Variants in FNBP4 observed in about 807,000 individuals in gnomAD.
FNBP4 encodes the protein formin binding protein 4, also known as formin-binding protein 4.
Under a neutral mutation model 119.3 loss-of-function variants are expected in FNBP4, and 34 were observed. The observed-to-expected ratio is 0.28, with a 90% CI of 0.22 to 0.38. FNBP4 has a LOEUF of 0.38. Among genes scored for constraint, FNBP4 ranks in the 10% least tolerant of loss-of-function variants. FNBP4 has a pLI of 1.00. For synonymous variants in FNBP4, 462 were observed against 430.6 expected (o/e 1.07, Z -0.90); for missense variants, 1,112 against 1,228.9 (o/e 0.90, Z 1.42).
chr11:47,741,254 C>T lies in FNBP4; in HGVS notation c.1456+2699G>A, dbSNP rs188894654. Among the ~76,000 whole-genome samples the T allele has an allele frequency of 7.1e-4, 107 of 151,588 alleles. 2 individuals carry two copies. The highest frequency in any genetic ancestry group is 2.5e-3 in the African/African-American group (104 of 41,014). On this transcript the variant is annotated intron_variant, in intron 8 of 16. Transcript: ENST00000263773. ...GTGTAATCATAGCTCACTGCAGCCT[C>T]GAACTCCTGGGCTCAAGCTATCTTC...
At chr11:47,739,293 G>A (rs774925131) in intron 8 of FNBP4, among the ~76,000 whole-genome samples, 31 of 151,944 alleles carry the variant, frequency 2.0e-4, no homozygotes, top group Non-Finnish European at 4.1e-4. Flanking sequence ...TTACCTGATC[G>A]TTAATATTCC....
At chr11:47,748,962 A>G (rs2097596356) in intron 6 of FNBP4, among the ~76,000 whole-genome samples, 2 of 152,046 alleles carry the variant, frequency 1.3e-5, no homozygotes, top group Non-Finnish European at 2.9e-5. Flanking sequence ...ATATTATTTT[A>G]AAGTATTTTT....
Position 47,717,421 on chromosome 11 carries a change from A to G in FNBP4, c.*1T>C, listed in dbSNP as rs1218712423. 3 of 1,605,154 alleles carry G rather than the reference A, an allele frequency of 1.9e-6. No individual in the cohort carries two copies. The highest frequency in any genetic ancestry group is 2.2e-5 in the East Asian group (1 of 44,830). On this transcript the variant is annotated 3_prime_UTR_variant, in exon 17 of 17. Coordinates refer to ENST00000263773, the MANE Select transcript of FNBP4 (RefSeq NM_015308.5). ...ACAAAAAAGTTTTAAAAACTTAAAA[A>G]CTATGTGTTTGGAGCCATTTTCCTT...
intron 2 of FNBP4, 46 bp from the exon 3 acceptor site, chr11:47,754,710 T>C (rs779676084): frequency 4.3e-5 from 69 of 1,594,592 alleles, no homozygotes; most frequent in Non-Finnish European, 5.5e-5. Context: ...AATGTCAATA[T>C]GTCCTAAGAA....
intron 2 of FNBP4, among the ~76,000 whole-genome samples, chr11:47,760,783 C>T (rs773729679): frequency 1.3e-5 from 2 of 152,082 alleles, no homozygotes; most frequent in Non-Finnish European, 2.9e-5. Flanking sequence ...AGGCTGGTCT[C>T]GAACTCTTGA....
chr11:47,763,214 C>T (rs967970129), intron 2 of FNBP4, among the ~76,000 whole-genome samples: 89 of 151,962 alleles, frequency 5.9e-4, no homozygotes, highest in Middle Eastern at 3.4e-3. Flanking sequence ...CTGTGATCAC[C>T]GCACTTTGGG....
chr11:47,767,199 G>A lies in FNBP4; in HGVS notation c.90C>T (p.Asp30=). 6 of 1,563,354 alleles carry A rather than the reference G, an allele frequency of 3.8e-6. No homozygotes were observed. Among genetic ancestry groups the A allele is most frequent in the Non-Finnish European group, 5.2e-6 (6 of 1,160,684 alleles). Residue 30 remains aspartate (D), a synonymous_variant, in exon 1 of 17, where the codon GAC becomes GAT. Coordinates refer to ENST00000263773, the MANE Select transcript of FNBP4 (RefSeq NM_015308.5). ...GCTCAGTGTCGGGTTCCGGCTCCGG[G>A]TCCCGGCCCGGCGTGCTGCCCCGAG... ...PGPRGSTPGR[D]PEPEPDTEPD...
chr11:47,724,866 A>C lies in FNBP4; in HGVS notation c.2009-88T>G, dbSNP rs1308702301. On this transcript the variant is annotated intron_variant, in intron 12 of 16. Coordinates refer to ENST00000263773, the MANE Select transcript of FNBP4 (RefSeq NM_015308.5). ...GAAATGTTCAACTGGTCAGTAAGAT[A>C]ATCATTTATAGGAACCTAGCACAGT... The C allele has an allele frequency of 4.1e-6, 6 of 1,477,270 alleles. 1 individual carries two copies. In the East Asian group the frequency reaches 9.4e-5, roughly 23 times the overall value. The allele number at this position is 1,477,270 out of a possible 1,614,324, so 91.5% of individuals were successfully genotyped here.
rs750081709 is a variant in FNBP4, at chr11:47,743,991, C to A, written c.1418G>T (p.Ser473Ile). The part of the protein sequence containing the change: ...TSPESTSRSS[S>I]KTGRDTPENG... ...TTCTGGAGTATCTCGTCCAGTTTTACTAGAACTCCTACTGGTAGATTCTGG... is the reference window on the plus strand; with the variant it reads ...TTCTGGAGTATCTCGTCCAGTTTTAATAGAACTCCTACTGGTAGATTCTGG... Residue 473 changes from serine to isoleucine, a missense_variant, in exon 8 of 17, where the codon AGT becomes ATT. This residue lies in a region of FNBP4 where 826 missense variants were observed against 988.8 expected (regional missense o/e 0.84). Coordinates refer to ENST00000263773, the MANE Select transcript of FNBP4 (RefSeq NM_015308.5). The A allele has an allele frequency of 2.5e-6, 4 of 1,614,196 alleles. No homozygotes were observed. In the East Asian group the frequency reaches 8.9e-5, roughly 36 times the overall value.
chr11:47,758,672 C>A (rs1163339305), intron 2 of FNBP4, among the ~76,000 whole-genome samples: 1 of 151,718 alleles, frequency 6.6e-6, no homozygotes, highest in Non-Finnish European at 1.5e-5. Context: ...CTATCCTGGC[C>A]AACATGGTGA....
chr11:47,746,868 G>A (rs1236189022), intron 6 of FNBP4, among the ~76,000 whole-genome samples: 4 of 152,034 alleles, frequency 2.6e-5, no homozygotes, highest in Admixed American at 2.0e-4. Context: ...TATTACTTTA[G>A]ACAGACACTG....
intron 8 of FNBP4, among the ~76,000 whole-genome samples, chr11:47,738,382 G>A (rs1445149069): frequency 1.3e-5 from 2 of 151,980 alleles, no homozygotes; most frequent in East Asian, 2.0e-4. Context: ...TGGCCAACAC[G>A]GTGAAACCCT....
At chr11:47,752,438 A>C (rs948541220) in intron 4 of FNBP4, among the ~76,000 whole-genome samples, 7 of 151,496 alleles carry the variant, frequency 4.6e-5, no homozygotes, top group African/African-American at 1.5e-4. Context: ...AAAAAAAAAA[A>C]AACAATTAAA....
intron 7 of FNBP4, among the ~76,000 whole-genome samples, 199 bp downstream of exon 7, chr11:47,745,857 G>A (rs112270252): frequency 1.8e-4 from 27 of 151,974 alleles, no homozygotes; most frequent in African/African-American, 3.1e-4. Flanking sequence ...GAGTTCCCCC[G>A]ATAACTACCA....
rs1282037160 is a variant in FNBP4 at position 47,733,788 on chromosome 11, A to T, written c.1686+237T>A. ...GCTTTAACACTTACAAAGTACCTTCAACATTACATGGCCTCATCTGACCAT... is the reference window on the plus strand; with the variant it reads ...GCTTTAACACTTACAAAGTACCTTCTACATTACATGGCCTCATCTGACCAT... On this transcript the variant is annotated intron_variant, in intron 10 of 16. Transcript: ENST00000263773. Among the ~76,000 whole-genome samples the T allele has an allele frequency of 2.0e-5, 3 of 152,162 alleles. No homozygotes were observed. In the South Asian group the frequency reaches 6.2e-4, roughly 32 times the overall value.
At chr11:47,739,013 T>G (rs2097578132) in intron 8 of FNBP4, among the ~76,000 whole-genome samples, 1 of 151,722 alleles carries the variant, frequency 6.6e-6, no homozygotes, top group African/African-American at 2.4e-5. Context: ...CTTTTTTTTT[T>G]TGAGGCACGG....
intron 6 of FNBP4, among the ~76,000 whole-genome samples, chr11:47,750,588 C>T (rs1356765133): frequency 7.1e-6 from 1 of 140,768 alleles, no homozygotes; most frequent in Non-Finnish European, 1.5e-5. Flanking sequence ...ACTCAGGAGG[C>T]TGAGGCAGGA....
intron 2 of FNBP4, among the ~76,000 whole-genome samples, chr11:47,759,836 C>T (rs2097629287): frequency 6.6e-6 from 1 of 152,026 alleles, no homozygotes; most frequent in South Asian, 2.1e-4. Context: ...ACCTGCAATC[C>T]CAGCTACTTG....
intron 7 of FNBP4, among the ~76,000 whole-genome samples, 172 bp from the exon 8 acceptor site, chr11:47,744,335 A>G (rs766409050): frequency 3.3e-5 from 5 of 151,850 alleles, no homozygotes. Flanking sequence ...GTGCAGTGGC[A>G]TGATCATGGC....
Sources: gnomAD v4.1 joint callset for allele counts (sites outside exome capture counted in the v4.1 genomes callset) on GRCh38, gnomAD v4.1.1 for gene constraint, gnomAD v4.1.1 regional missense constraint, MANE v1.5 for transcripts, NCBI Gene and HGNC (gene_info 2026-07-23, HGNC 2026-07-21) for gene names.